IFT74: variants seen among roughly 807,000 people sequenced by gnomAD.
IFT74 encodes the protein intraflagellar transport 74.
IFT74 carries 92 observed loss-of-function variants against 96.7 expected under a neutral mutation model. That is an observed-to-expected ratio of 0.95 (90% CI 0.80 to 1.13). IFT74 has a LOEUF of 1.13. Ranked by LOEUF, IFT74 falls within the 50% of genes most tolerant of loss-of-function variation. The pLI, the probability that IFT74 is intolerant of heterozygous loss-of-function variation, is 0.00. For missense variants in IFT74, 811 were observed against 698.2 expected (o/e 1.16, Z -1.82); for synonymous variants, 223 against 213.2 (o/e 1.05, Z -0.40).
chr9:26,999,100 A>G (rs1828333232), intron 8 of IFT74, among the ~76,000 whole-genome samples: 1 of 152,220 alleles, frequency 6.6e-6, no homozygotes, highest in Non-Finnish European at 1.5e-5. Flanking sequence ...GGAAATATTT[A>G]TCTTTTATCA....
At chr9:26,974,457 A>C (rs1306992894) in intron 2 of IFT74, among the ~76,000 whole-genome samples, 1 of 152,158 alleles carries the variant, frequency 6.6e-6, no homozygotes, top group East Asian at 1.9e-4. Flanking sequence ...TAAGAATTTT[A>C]TAGGCCCCTC....
At chr9:27,047,233 C>G in intron 14 of IFT74, 41 bp from the exon 15 acceptor site, 1 of 1,203,512 alleles carries the variant, frequency 8.3e-7, no homozygotes, top group Non-Finnish European at 1.2e-6. Flanking sequence ...ATAGTGTTAA[C>G]TCTATCAGCA....
chr9:27,060,130 T>C (rs1820350046), intron 18 of IFT74, among the ~76,000 whole-genome samples: 1 of 152,232 alleles, frequency 6.6e-6, no homozygotes. Context: ...TCTGCTCTTA[T>C]CACAGCTTGT....
At position 27,037,440 on chromosome 9, in the gene IFT74, C is replaced by T. The variant is rs565367591; in HGVS notation, c.1055-7302C>T. ...AGCTGTGGAAAGTAGTACAGCCACA[C>T]GAACTTAAAGATCACAGGAGAATCA... On this transcript the variant is annotated intron_variant, in intron 13 of 19. Coordinates refer to ENST00000380062, the MANE Select transcript of IFT74 (RefSeq NM_025103.4). Among the ~76,000 whole-genome samples the T allele has an allele frequency of 2.4e-4, 37 of 152,206 alleles. No homozygotes were observed. The South Asian group carries it at 5.0e-3, about 20-fold the overall frequency.
chr9:27,029,897 G>A (rs143541661), intron 13 of IFT74, among the ~76,000 whole-genome samples: 1 of 152,216 alleles, frequency 6.6e-6, no homozygotes, highest in Admixed American at 6.5e-5. Context: ...TAGTAATGAA[G>A]TAGCAAAGAC....
At chr9:26,953,282 G>A (rs1191831324), upstream of IFT74, among the ~76,000 whole-genome samples, 2 of 152,076 alleles carry the variant, frequency 1.3e-5, no homozygotes, top group Admixed American at 6.5e-5. Flanking sequence ...CAGTATACAA[G>A]GAGCATTCTT....
chr9:26,948,445 A>ATTTTTTTTTT (rs1554662864), intron 1 of IFT74, among the ~76,000 whole-genome samples: 3 of 47,314 alleles, frequency 6.3e-5, no homozygotes, highest in Non-Finnish European at 1.5e-4. Flanking sequence ...ATGGCTTTCC[A>ATTTTTTTTTT]TTATTTTTTT....
rs892164547 is a variant in IFT74 at position 27,038,520 on chromosome 9, G to A, written c.1055-6222G>A. 5.9e-5 allele frequency among the ~76,000 whole-genome samples: 9 copies of A among 152,258 alleles called. 1 individual carries two copies. In the South Asian group the frequency reaches 1.5e-3, roughly 25 times the overall value. On this transcript the variant is annotated intron_variant, in intron 13 of 19. Transcript: ENST00000380062. ...TCTCAAACTCCTGACCTCGTGGTCC[G>A]CCTGTCTTGGCCTCCCAAAGTGCTG...
In IFT74 at chr9:27,031,732, TAAATAAAATAAAATA is replaced by T. The variant is rs199561580; in HGVS notation, c.1054+2666_1054+2680del. Among the ~76,000 whole-genome samples, 245 of 127,940 alleles carry T rather than the reference TAAATAAAATAAAATA, an allele frequency of 1.9e-3. 1 individual carries two copies. The highest frequency in any genetic ancestry group is 2.6e-3 in the African/African-American group (90 of 34,098). The allele number at this position is 127,940 out of a possible 152,430, so 83.9% of individuals were successfully genotyped here. On this transcript the variant is annotated intron_variant, in intron 13 of 19. Transcript: ENST00000380062. ...CTCTTGCCTTAGCTAAATAAAATAA[TAAATAAAATAAAATA>T]AAATAAAATAAAATAAAATAAAATA...
intron 14 of IFT74, among the ~76,000 whole-genome samples, chr9:27,045,192 T>A (rs945162798): frequency 2.0e-5 from 3 of 152,170 alleles, no homozygotes; most frequent in Non-Finnish European, 4.4e-5. Context: ...CAGCATTAGA[T>A]TCTCATATGA....
chr9:26,990,394 A>G lies in IFT74; in HGVS notation c.587+199A>G, dbSNP rs192806012. On this transcript the variant is annotated intron_variant, in intron 8 of 19. Coordinates refer to ENST00000380062, the MANE Select transcript of IFT74 (RefSeq NM_025103.4). ...TTAAATACCTAAATTCTGTATAAAG[A>G]CTATTGCTACATAGCTTATATAAAT... is the stretch of plus-strand genomic sequence containing the variant. Among the ~76,000 whole-genome samples the G allele has an allele frequency of 5.3e-3, 807 of 152,314 alleles. 5 individuals are homozygous for G. Among genetic ancestry groups the G allele is most frequent in the Admixed American group, 8.4e-3 (128 of 15,294 alleles).
At chr9:26,957,037 T>G (rs1426821057) in intron 1 of IFT74, among the ~76,000 whole-genome samples, 1 of 152,230 alleles carries the variant, frequency 6.6e-6, no homozygotes, top group African/African-American at 2.4e-5. Context: ...GAGGGGTTAA[T>G]TAAGGTGGCA....
chr9:27,018,146 G>C (rs976690513), intron 11 of IFT74, among the ~76,000 whole-genome samples: 1 of 152,028 alleles, frequency 6.6e-6, no homozygotes, highest in African/African-American at 2.4e-5. Flanking sequence ...TTGAATTTCA[G>C]ATAAGCAATA....
At chr9:27,019,188 C>T (rs1208736720) in intron 12 of IFT74, among the ~76,000 whole-genome samples, 1 of 152,022 alleles carries the variant, frequency 6.6e-6, no homozygotes, top group Non-Finnish European at 1.5e-5. Context: ...AGCTCCTAGC[C>T]TCAAGTGATC....
chr9:26,955,605 A>G (rs1010906502), upstream of IFT74, among the ~76,000 whole-genome samples: 1 of 152,136 alleles, frequency 6.6e-6, no homozygotes, highest in African/African-American at 2.4e-5. Flanking sequence ...TTACATGAAA[A>G]TGTTTCACAA....
At chr9:26,999,992 A>T (rs926126897) in intron 8 of IFT74, among the ~76,000 whole-genome samples, 1 of 152,042 alleles carries the variant, frequency 6.6e-6, no homozygotes, top group Non-Finnish European at 1.5e-5. Context: ...CCTGGTATCA[A>T]ACTCCTGGGT....
At chr9:27,028,872 G>T in intron 12 of IFT74, 153 bp from the exon 13 acceptor site, 2 of 595,696 alleles carry the variant, frequency 3.4e-6, no homozygotes, top group South Asian at 6.1e-5. Context: ...ATATCCTAAT[G>T]TCATCGTCAG....
In IFT74 at chr9:26,962,036, G is replaced by C. The variant is rs775728464; in HGVS notation, c.69G>C (p.Arg23Ser). ...VSRGGVGLTG[R>S]PPSGIRPLSG... The stretch of plus-strand genomic sequence containing the variant: ...GAGGTGGAGTTGGGTTAACAGGAAG[G>C]CCTCCTTCTGGGATACGACCCCTAT... The change falls in exon 2 of 20, where the codon AGG becomes AGC. Residue 23 changes from arginine (R) to serine (S), a missense_variant. Transcript: ENST00000380062. The C allele has an allele frequency of 3.7e-6, 6 of 1,614,012 alleles. No individual in the cohort carries two copies. The South Asian group carries it at 4.4e-5, about 12-fold the overall frequency.
At chr9:27,013,392 G>C (rs1223078667) in intron 10 of IFT74, among the ~76,000 whole-genome samples, 1 of 152,182 alleles carries the variant, frequency 6.6e-6, no homozygotes, top group Non-Finnish European at 1.5e-5. Context: ...TCCTGTGAAA[G>C]CATACATTTT....
Sources: gnomAD v4.1 joint callset for allele counts (sites outside exome capture counted in the v4.1 genomes callset) on GRCh38, gnomAD v4.1.1 for gene constraint, MANE v1.5 for transcripts, NCBI Gene and HGNC (gene_info 2026-07-23, HGNC 2026-07-21) for gene names.